PHLPP2: variants seen among roughly 807,000 people sequenced by gnomAD.
PHLPP2 encodes PH domain leucine-rich repeat-containing protein phosphatase 2.
In PHLPP2, 66 loss-of-function variants were observed where a neutral mutation model predicts 124.9. The ratio of observed to expected loss-of-function variants is 0.53; its 90% confidence interval spans 0.43 to 0.65. The LOEUF is 0.65. PHLPP2 is among the 30% of genes least tolerant of loss of function. PHLPP2 has a pLI of 0.00. For missense variants in PHLPP2, 1,685 were observed against 1,600.4 expected (o/e 1.05, Z -0.90); for synonymous variants, 681 against 624.7 (o/e 1.09, Z -1.34).
At chr16:71,706,802 T>C (rs1473901837) in intron 2 of PHLPP2, among the ~76,000 whole-genome samples, 4 of 152,130 alleles carry the variant, frequency 2.6e-5, no homozygotes. Context: ...AATTATTTTA[T>C]ATATAGTTAA....
intron 4 of PHLPP2, 71 bp downstream of exon 4, chr16:71,690,448 G>T: frequency 9.5e-7 from 1 of 1,048,098 alleles, no homozygotes; most frequent in Non-Finnish European, 1.4e-6. Flanking sequence ...TAAAAGCTAT[G>T]AAAAGCATTA....
intron 2 of PHLPP2, 56 bp from the exon 3 acceptor site, chr16:71,702,787 T>C (rs2045244411): frequency 1.6e-6 from 2 of 1,219,586 alleles, no homozygotes; most frequent in Non-Finnish European, 1.1e-6. Flanking sequence ...AAATGGTTCA[T>C]TTAATTTTTT....
intron 2 of PHLPP2, 39 bp from the exon 3 acceptor site, chr16:71,702,770 G>C: frequency 1.4e-6 from 2 of 1,421,340 alleles, no homozygotes; most frequent in South Asian, 1.3e-5. Flanking sequence ...TATTTGGTAA[G>C]TAATAAAAAT....
intron 2 of PHLPP2, 75 bp downstream of exon 2, chr16:71,714,437 A>G (rs1277515431): frequency 1.8e-5 from 26 of 1,440,096 alleles, no homozygotes; most frequent in Non-Finnish European, 2.3e-5. Flanking sequence ...TTAAAATCCT[A>G]AAGTCCAGTT....
At chr16:71,663,811 G>A in intron 13 of PHLPP2, 88 bp downstream of exon 13, 1 of 989,516 alleles carries the variant, frequency 1.0e-6, no homozygotes, top group South Asian at 1.4e-5. Context: ...CGTAAACAAA[G>A]AGTCATAGTC....
chr16:71,715,925 G>C (rs1430462455), intron 1 of PHLPP2, among the ~76,000 whole-genome samples: 1 of 151,426 alleles, frequency 6.6e-6, no homozygotes, highest in African/African-American at 2.4e-5. Context: ...GAACCCAGGA[G>C]GCAGAGATTG....
Position 71,656,494 on chromosome 16 carries a change from T to C in PHLPP2, c.2390+77A>G, listed in dbSNP as rs934866244. 1.4e-5 allele frequency: 11 copies of C among 787,384 alleles called. No homozygotes were observed. In the Admixed American group the frequency reaches 2.1e-4, roughly 15 times the overall value. 48.8% of individuals were successfully genotyped at this position (787,384 alleles called of 1,614,324 possible). A position where few individuals can be genotyped will look rare whatever the true frequency, so the allele number is the denominator to read the frequency against. On this transcript the variant is annotated intron_variant, in intron 16 of 18. Coordinates refer to ENST00000568954, the MANE Select transcript of PHLPP2 (RefSeq NM_015020.3). ...ACAACAGAACAACATGGCCTAGCTA[T>C]TATGAGCATCAGGCCAGTTCTCAGA...
At chr16:71,686,650 G>C (rs1181469191) in intron 4 of PHLPP2, among the ~76,000 whole-genome samples, 3 of 151,818 alleles carry the variant, frequency 2.0e-5, no homozygotes, top group African/African-American at 4.8e-5. Context: ...ACAATTTTTT[G>C]CCTTTTTCAG....
At chr16:71,662,109 G>T (rs1193172676) in intron 13 of PHLPP2, among the ~76,000 whole-genome samples, 1 of 151,628 alleles carries the variant, frequency 6.6e-6, no homozygotes, top group African/African-American at 2.4e-5. Flanking sequence ...GGCATGAGCG[G>T]CCACGCCCGG....
chr16:71,659,504 G>A (rs985240020), intron 13 of PHLPP2, among the ~76,000 whole-genome samples: 2 of 152,118 alleles, frequency 1.3e-5, no homozygotes, highest in Non-Finnish European at 2.9e-5. Context: ...GCCCACCTCA[G>A]CCTCCCAAAG....
intron 1 of PHLPP2, chr16:71,715,169 T>C (rs2045353749): frequency 4.8e-6 from 1 of 210,144 alleles, no homozygotes; most frequent in African/African-American, 2.3e-5. Context: ...CTAGGTAAGA[T>C]GGCAACATCC....
chr16:71,717,891 A>G (rs576723748), intron 1 of PHLPP2, among the ~76,000 whole-genome samples: 2 of 152,282 alleles, frequency 1.3e-5, no homozygotes, highest in South Asian at 2.1e-4. Flanking sequence ...GGAAGACTCC[A>G]GGAAGTTTTG....
At chr16:71,658,483 T>C (rs1596990149) in intron 14 of PHLPP2, 120 bp from the exon 15 acceptor site, 1 of 1,198,062 alleles carries the variant, frequency 8.3e-7, no homozygotes, top group Non-Finnish European at 1.2e-6. Flanking sequence ...CAGGAATCCA[T>C]TACATAAATT....
At chr16:71,666,692 T>C (rs2044843154) in intron 12 of PHLPP2, among the ~76,000 whole-genome samples, 1 of 152,244 alleles carries the variant, frequency 6.6e-6, no homozygotes, top group African/African-American at 2.4e-5. Flanking sequence ...TGGAAGGACA[T>C]TATCTGTAAA....
At chr16:71,654,270 A>G (rs927531479) in intron 17 of PHLPP2, among the ~76,000 whole-genome samples, 3 of 151,386 alleles carry the variant, frequency 2.0e-5, no homozygotes, top group African/African-American at 7.3e-5. Context: ...CCTGGATTAT[A>G]CAAGTTGACA....
At chr16:71,667,368 A>G (rs2044848841) in intron 11 of PHLPP2, 35 bp from the exon 12 acceptor site, 2 of 1,543,824 alleles carry the variant, frequency 1.3e-6, no homozygotes, top group Non-Finnish European at 1.8e-6. Context: ...CACATTAAAA[A>G]CTTACTTAAA....
intron 2 of PHLPP2, among the ~76,000 whole-genome samples, chr16:71,704,085 G>C (rs1168333687): frequency 6.6e-6 from 1 of 152,102 alleles, no homozygotes; most frequent in Non-Finnish European, 1.5e-5. Context: ...CACTTCAGGA[G>C]GCTGAGGCGG....
Position 71,663,991 on chromosome 16 carries a change from G to C in PHLPP2, c.1893C>G (p.Leu631=). 1 of 1,613,938 alleles carries C rather than the reference G, an allele frequency of 6.2e-7. No individual in the cohort carries two copies. The highest frequency in any genetic ancestry group is 8.5e-7 in the Non-Finnish European group (1 of 1,179,806). The change falls in exon 13 of 19, where the codon CTC becomes CTG. Residue 631 remains leucine (L), a synonymous_variant. Transcript: ENST00000568954. ...GGACAGGTATGCACTGATCCGTCAGGAGATTGTTGGTCAGATAAAGCAGCT... is the reference window on the plus strand; with the variant it reads ...GGACAGGTATGCACTGATCCGTCAGCAGATTGTTGGTCAGATAAAGCAGCT... ...MLQLLYLTNN[L]LTDQCIPVLV... is the part of the protein sequence containing the mutation.
At chr16:71,689,887 A>G (rs1245556416) in intron 4 of PHLPP2, among the ~76,000 whole-genome samples, 1 of 152,192 alleles carries the variant, frequency 6.6e-6, no homozygotes, top group Non-Finnish European at 1.5e-5. Flanking sequence ...CCTGATCCAA[A>G]GTGTGAATTC....
Sources: allele counts gnomAD v4.1 joint callset (sites outside exome capture counted in the v4.1 genomes callset), GRCh38; gene constraint gnomAD v4.1.1; transcripts MANE v1.5; gene names NCBI Gene and HGNC (gene_info 2026-07-23, HGNC 2026-07-21).